CFAP47: variants seen among roughly 807,000 people sequenced by gnomAD.
The protein encoded by CFAP47 is cilia and flagella associated protein 47.
A neutral mutation model predicts 148.1 loss-of-function variants in CFAP47; 29 were observed. That is an observed-to-expected ratio of 0.20 (90% CI 0.15 to 0.27). The LOEUF is 0.27. Ranked by LOEUF, CFAP47 falls within the 10% of genes least tolerant of loss-of-function variation. The pLI is 1.00. For synonymous variants in CFAP47, 664 were observed against 577.3 expected, an observed-to-expected ratio of 1.15 and a Z score of -2.15; for missense variants, 1,872 against 1,697.5, an observed-to-expected ratio of 1.10 and a Z score of -1.81.
At position 36,298,877 on chromosome X, in the gene CFAP47, G is replaced by A. The variant is rs782125386; in HGVS notation, c.7687-100G>A. On this transcript the variant is annotated intron_variant, in intron 51 of 63. Coordinates refer to ENST00000378653, the MANE Select transcript of CFAP47 (RefSeq NM_001304548.2). ...TCAAGGTAAAAAAATAAAACAAATG[G>A]CCTTATATTATGTAATAATTTCCTT... The A allele has an allele frequency of 3.5e-5, 17 of 482,015 alleles. No homozygotes were observed. The South Asian group carries it at 5.3e-4, about 15-fold the overall frequency. The allele number at this position is 482,015 out of a possible 1,213,427, so 39.7% of individuals were successfully genotyped here.
intron 26 of CFAP47, among the ~76,000 whole-genome samples, chrX:36,064,459 C>A (rs780862221): frequency 9.0e-6 from 1 of 111,703 alleles, no homozygotes; most frequent in African/African-American, 3.2e-5. Context: ...AATGTAGTTC[C>A]TTTCTTACTG....
intron 49 of CFAP47, among the ~76,000 whole-genome samples, chrX:36,263,383 G>C (rs1275778993): frequency 8.9e-6 from 1 of 112,003 alleles, no homozygotes; most frequent in Non-Finnish European, 1.9e-5. Context: ...TCTTCTTTGA[G>C]TTAAAACTGC....
chrX:36,187,434 G>A, intron 40 of CFAP47, among the ~76,000 whole-genome samples: 1 of 111,793 alleles, frequency 8.9e-6, no homozygotes, highest in Non-Finnish European at 1.9e-5. Flanking sequence ...AACAAAATGA[G>A]GTTTGGAAAT....
At chrX:36,019,094 G>T (rs184022387) in intron 22 of CFAP47, among the ~76,000 whole-genome samples, 3 of 111,171 alleles carry the variant, frequency 2.7e-5, no homozygotes, top group South Asian at 3.8e-4. Context: ...CACCAGTTGT[G>T]GGGGGGTCTG....
rs916226754 is a variant in CFAP47 at position 36,292,566 on chromosome X, T to C, written c.7687-6411T>C. ...CCGTGAGATGGTATGGTGAAAATAC[T>C]TCATGCTAGTGCATATTGAATTGTC... On this transcript the variant is annotated intron_variant, in intron 51 of 63. Coordinates refer to ENST00000378653, the MANE Select transcript of CFAP47 (RefSeq NM_001304548.2). 2.7e-5 allele frequency among the ~76,000 whole-genome samples: 3 copies of C among 112,214 alleles called. No individual in the cohort carries two copies. The Admixed American group carries it at 2.9e-4, about 11-fold the overall frequency.
chrX:36,025,762 A>G (rs1360804466), intron 22 of CFAP47, among the ~76,000 whole-genome samples: 5 of 112,204 alleles, frequency 4.5e-5, no homozygotes, highest in African/African-American at 6.5e-5. Context: ...TTGTCTGTTC[A>G]TATACTTCAC....
intron 40 of CFAP47, among the ~76,000 whole-genome samples, chrX:36,183,550 G>C (rs1939773992): frequency 8.9e-6 from 1 of 111,763 alleles, no homozygotes; most frequent in Non-Finnish European, 1.9e-5. Context: ...CTTCTTAAGT[G>C]AGTAGTAAAG....
intron 32 of CFAP47, among the ~76,000 whole-genome samples, chrX:36,101,388 G>A (rs186207323): frequency 7.9e-4 from 89 of 112,053 alleles, no homozygotes; most frequent in African/African-American, 2.6e-3. Context: ...TCACACTCAC[G>A]TCAGAAATGG....
Position 36,061,180 on chromosome X carries a change from G to A in CFAP47, c.4218-4463G>A, listed in dbSNP as rs145710500. Reference sequence around the variant, plus strand: ...GCCCTCTCTTCCTCCTTCTCCGGCCGTGTAAGACAGGCCTGCTTCCTCTTC... The same window carrying A: ...GCCCTCTCTTCCTCCTTCTCCGGCCATGTAAGACAGGCCTGCTTCCTCTTC... On this transcript the variant is annotated intron_variant, in intron 26 of 63. Coordinates refer to ENST00000378653, the MANE Select transcript of CFAP47 (RefSeq NM_001304548.2). Among the ~76,000 whole-genome samples, 33 of 110,975 alleles carry A rather than the reference G, an allele frequency of 3.0e-4. 1 individual carries two copies. In the East Asian group the frequency reaches 8.5e-3, roughly 29 times the overall value.
intron 10 of CFAP47, among the ~76,000 whole-genome samples, chrX:35,968,085 T>C (rs1238100476): frequency 1.8e-5 from 2 of 110,947 alleles, no homozygotes; most frequent in Non-Finnish European, 3.8e-5. Flanking sequence ...GAATGGTATA[T>C]AAAATGTTCT....
At chrX:36,373,596 A>T (rs894370276) in intron 62 of CFAP47, among the ~76,000 whole-genome samples, 5 of 111,115 alleles carry the variant, frequency 4.5e-5, no homozygotes, top group Non-Finnish European at 9.4e-5. Context: ...GCTCTTGCTG[A>T]TATTTCTAGT....
chrX:36,219,991 G>T (rs1235020394), intron 45 of CFAP47, among the ~76,000 whole-genome samples: 2 of 111,239 alleles, frequency 1.8e-5, no homozygotes, highest in Non-Finnish European at 3.8e-5. Flanking sequence ...GATTTTCAGG[G>T]TTCACATTAT....
chrX:36,224,771 A>G (rs1555991296), intron 45 of CFAP47, among the ~76,000 whole-genome samples: 1 of 111,713 alleles, frequency 9.0e-6, no homozygotes, highest in East Asian at 2.8e-4. Context: ...AAGCTGTCCT[A>G]AATGAGCTCA....
intron 2 of CFAP47, among the ~76,000 whole-genome samples, chrX:35,937,104 GTTTT>G (rs377601530): frequency 1.8e-5 from 1 of 55,541 alleles, no homozygotes; most frequent in Non-Finnish European, 3.6e-5. Flanking sequence ...TGCAATTGCT[GTTTT>G]TTTTTTTTTT....
intron 33 of CFAP47, among the ~76,000 whole-genome samples, chrX:36,109,122 A>G (rs1938511946): frequency 9.0e-6 from 1 of 111,617 alleles, no homozygotes; most frequent in African/African-American, 3.3e-5. Flanking sequence ...AAAGGACATG[A>G]TCTCATTCTT....
intron 2 of CFAP47, among the ~76,000 whole-genome samples, chrX:35,932,937 A>G (rs1251517270): frequency 1.8e-5 from 2 of 111,104 alleles, no homozygotes; most frequent in East Asian, 5.7e-4. Context: ...TTTAATTTTT[A>G]TGGGTGCATA....
Position 35,953,705 on chromosome X carries a change from A to G in CFAP47, c.1160A>G (p.Tyr387Cys). The G allele has an allele frequency of 1.7e-6, 2 of 1,189,489 alleles. No individual in the cohort carries two copies. Among genetic ancestry groups the G allele is most frequent in the African/African-American group, 3.5e-5 (2 of 57,178 alleles). ...GATGGATTTTTGAGAGATGATGACT[A>G]TAAAACCATCAAAAGTAAGTGTGAA... ...SKDGFLRDDD[Y>C]KTIKSERFQK... Residue 387 changes from tyrosine (Y) to cysteine (C), a missense_variant, in exon 7 of 64, where the codon TAT becomes TGT. Tyr to Cys is a radical substitution (Grantham distance 194, BLOSUM62 -2). Coordinates refer to ENST00000378653, the MANE Select transcript of CFAP47 (RefSeq NM_001304548.2).
At chrX:36,303,555 A>G (rs1320156364) in intron 53 of CFAP47, among the ~76,000 whole-genome samples, 4 of 109,807 alleles carry the variant, frequency 3.6e-5, no homozygotes, top group Non-Finnish European at 7.6e-5. Flanking sequence ...TCTAATCTCT[A>G]CTTCCACTGT....
At chrX:36,315,992 T>C (rs1378096122) in intron 56 of CFAP47, among the ~76,000 whole-genome samples, 1 of 111,432 alleles carries the variant, frequency 9.0e-6, no homozygotes, top group Non-Finnish European at 1.9e-5. Flanking sequence ...GAGGATAAAA[T>C]TGATTAATGG....
Sources: allele counts gnomAD v4.1 joint callset (sites outside exome capture counted in the v4.1 genomes callset), GRCh38; gene constraint gnomAD v4.1.1; transcripts MANE v1.5; gene names NCBI Gene and HGNC (gene_info 2026-07-23, HGNC 2026-07-21).